Variants in N4BP2L1 observed in about 807,000 individuals in gnomAD.
N4BP2L1 encodes NEDD4-binding protein 2-like 1.
Under a neutral mutation model 21.2 loss-of-function variants are expected in N4BP2L1, and 12 were observed. The observed-to-expected ratio is 0.57, with a 90% CI of 0.36 to 0.92. N4BP2L1 has a LOEUF of 0.92. Ranked by LOEUF, N4BP2L1 falls within the 40% of genes least tolerant of loss-of-function variation. N4BP2L1 has a pLI of 0.01. For synonymous variants in N4BP2L1, 104 were observed against 112.8 expected, an observed-to-expected ratio of 0.92 and a Z score of 0.49; for missense variants, 259 against 310.6, an observed-to-expected ratio of 0.83 and a Z score of 1.25.
At chr13:32,411,646 ATAAT>A (rs781700887) in intron 1 of N4BP2L1, 7 of 985,178 alleles carry the variant, frequency 7.1e-6, no homozygotes, top group Middle Eastern at 5.2e-4. Flanking sequence ...AAATAGAAAG[ATAAT>A]TAATTCCATA....
In N4BP2L1 at chr13:32,402,417, A is replaced by ATATT; in HGVS notation, c.*521_*524dup. On this transcript the variant is annotated 3_prime_UTR_variant, in exon 5 of 5. Transcript: ENST00000380130. ...TTCCCTTAGATGTATGCTTTCTGGC[A>ATATT]TATTAACATTAAAGGAAAATCAGTA... 1 of 880,468 alleles carries ATATT rather than the reference A, an allele frequency of 1.1e-6. No individual in the cohort carries two copies. Among genetic ancestry groups the ATATT allele is most frequent in the South Asian group, 5.1e-5 (1 of 19,596 alleles). 54.5% of individuals were successfully genotyped at this position (880,468 alleles called of 1,614,324 possible). A position where few individuals can be genotyped will look rare whatever the true frequency, so the allele number is the denominator to read the frequency against.
rs996070980 is a variant in N4BP2L1 at position 32,403,096 on chromosome 13, C to T, written c.578G>A (p.Arg193Lys). The T allele has an allele frequency of 3.7e-6, 6 of 1,613,970 alleles. No individual in the cohort carries two copies. The highest frequency in any genetic ancestry group is 4.2e-6 in the Non-Finnish European group (5 of 1,180,020). ...ATTCCTGTCCTGGTTTCTGTTCATT[C>T]TGCTTGGCTTTTCTGCATGAAGCAC... ...HSVLHAEKPS[R>K]MNRNQDRNNA... The change falls in exon 5 of 5, where the codon AGA (arginine) becomes AAA (lysine). Residue 193 changes from arginine to lysine, a missense_variant. Coordinates refer to ENST00000380130, the MANE Select transcript of N4BP2L1 (RefSeq NM_052818.3).
chr13:32,415,857 TCCCAGAAA>T (rs1236655288), intron 1 of N4BP2L1: 1 of 152,242 alleles, frequency 6.6e-6, no homozygotes, highest in East Asian at 1.9e-4. Flanking sequence ...ACTCTGGCAC[TCCCAGAAA>T]CCTTTACCGT....
At chr13:32,411,349 G>A (rs1442982258) in intron 1 of N4BP2L1, among the ~76,000 whole-genome samples, 7 of 137,384 alleles carry the variant, frequency 5.1e-5, no homozygotes, top group African/African-American at 1.9e-4. Context: ...TTTTTGGCCT[G>A]TATGATCTTC....
chr13:32,407,216 A>G (rs761251194), intron 3 of N4BP2L1, 34 bp downstream of exon 3: 3 of 1,595,442 alleles, frequency 1.9e-6, no homozygotes, highest in Non-Finnish European at 2.6e-6. Context: ...CAAAATGTCC[A>G]TAACTGAAAA....
chr13:32,418,531 C>A (rs953576114), intron 1 of N4BP2L1, among the ~76,000 whole-genome samples: 3 of 152,228 alleles, frequency 2.0e-5, no homozygotes, highest in Non-Finnish European at 4.4e-5. Context: ...AGAGGCTCCA[C>A]TGGGGCACTG....
chr13:32,420,025 T>A (rs2074386825), intron 1 of N4BP2L1, among the ~76,000 whole-genome samples: 1 of 152,096 alleles, frequency 6.6e-6, no homozygotes. Context: ...CAGGGCCAAG[T>A]CCTGTCCTTG....
chr13:32,414,659 A>G (rs1397048350), intron 1 of N4BP2L1, among the ~76,000 whole-genome samples: 1 of 152,220 alleles, frequency 6.6e-6, no homozygotes, highest in East Asian at 1.9e-4. Context: ...TTAAAAGAGT[A>G]CTAAGCAGTG....
chr13:32,427,831 G>T (rs2074877161), intron 1 of N4BP2L1, 73 bp downstream of exon 1: 1 of 1,090,706 alleles, frequency 9.2e-7, no homozygotes. Context: ...AGCGGCTTGG[G>T]GCAGGGGTGC....
intron 1 of N4BP2L1, among the ~76,000 whole-genome samples, chr13:32,423,720 G>A (rs2074612759): frequency 6.6e-6 from 1 of 152,240 alleles, no homozygotes; most frequent in Non-Finnish European, 1.5e-5. Flanking sequence ...CATGAAGCAT[G>A]TAAAGGAGGC....
intron 1 of N4BP2L1, among the ~76,000 whole-genome samples, chr13:32,412,826 C>G (rs1406454698): frequency 6.6e-6 from 1 of 152,160 alleles, no homozygotes; most frequent in Non-Finnish European, 1.5e-5. Flanking sequence ...CTGGCTCTCA[C>G]TCCGCAGGGC....
chr13:32,421,529 C>T (rs2074477801), intron 1 of N4BP2L1, among the ~76,000 whole-genome samples: 1 of 152,134 alleles, frequency 6.6e-6, no homozygotes, highest in African/African-American at 2.4e-5. Flanking sequence ...TCCCCTGAGT[C>T]TCTCAAATGT....
chr13:32,417,577 TTGGTACCACAGAGAA>T (rs2137900022), intron 1 of N4BP2L1, among the ~76,000 whole-genome samples: 1 of 152,150 alleles, frequency 6.6e-6, no homozygotes, highest in South Asian at 2.1e-4. Context: ...GAACGGCAAA[TTGGTACCACAGAGAA>T]TGGGGCACTG....
chr13:32,428,291 G>A, upstream of N4BP2L1: 1 of 411,604 alleles, frequency 2.4e-6, no homozygotes, highest in Non-Finnish European at 4.2e-6. Context: ...GAGACTCACA[G>A]CCCGGAAAAC....
In N4BP2L1 at chr13:32,428,085, G is replaced by C. The variant is rs773292799; in HGVS notation, c.-3C>G. ...GATTGAAGGAAACTGTCCTCCATGG[G>C]CAGGAGGGCTGGCTGCGAGAGCCCC... On this transcript the variant is annotated 5_prime_UTR_variant, in exon 1 of 5. Coordinates refer to ENST00000380130, the MANE Select transcript of N4BP2L1 (RefSeq NM_052818.3). 2 of 1,456,336 alleles carry C rather than the reference G, an allele frequency of 1.4e-6. No individual in the cohort carries two copies. Among genetic ancestry groups the C allele is most frequent in the Admixed American group, 5.3e-5 (2 of 37,592 alleles). The allele number at this position is 1,456,336 out of a possible 1,614,324, so 90.2% of individuals were successfully genotyped here.
chr13:32,428,774 G>A (rs1293541359), upstream of N4BP2L1, among the ~76,000 whole-genome samples: 1 of 152,284 alleles, frequency 6.6e-6, no homozygotes, highest in Non-Finnish European at 1.5e-5. Flanking sequence ...CTACCGCCCA[G>A]GTACCTGCCC....
Position 32,401,764 on chromosome 13 carries a change from C to T in N4BP2L1, c.*1178G>A. The T allele has an allele frequency of 4.7e-6, 1 of 213,892 alleles. No homozygotes were observed. The highest frequency in any genetic ancestry group is 8.1e-6 in the Non-Finnish European group (1 of 124,220). The allele number at this position is 213,892 out of a possible 1,614,324, so 13.2% of individuals were successfully genotyped here. On this transcript the variant is annotated 3_prime_UTR_variant, in exon 5 of 5. Transcript: ENST00000380130. ...GATACCATTTACAATTTTTAATAACCATAAAAGCACCATTATATAAGACAC... is the reference window on the plus strand; with the variant it reads ...GATACCATTTACAATTTTTAATAACTATAAAAGCACCATTATATAAGACAC...
In N4BP2L1 at chr13:32,402,219, A is replaced by C; in HGVS notation, c.*723T>G. 1 of 965,840 alleles carries C rather than the reference A, an allele frequency of 1.0e-6. No individual in the cohort carries two copies. The highest frequency in any genetic ancestry group is 1.2e-6 in the Non-Finnish European group (1 of 812,094). The allele number at this position is 965,840 out of a possible 1,614,324, so 59.8% of individuals were successfully genotyped here. On this transcript the variant is annotated 3_prime_UTR_variant, in exon 5 of 5. Coordinates refer to ENST00000380130, the MANE Select transcript of N4BP2L1 (RefSeq NM_052818.3). Reference sequence around the variant, plus strand: ...TTAGCACAACAGCCAAAAGTTATTCAGGTTTAATCCTGCTGAATAAAGTAG... The same window carrying C: ...TTAGCACAACAGCCAAAAGTTATTCCGGTTTAATCCTGCTGAATAAAGTAG...
At chr13:32,422,067 A>G (rs2074513316) in intron 1 of N4BP2L1, among the ~76,000 whole-genome samples, 1 of 152,208 alleles carries the variant, frequency 6.6e-6, no homozygotes, top group Non-Finnish European at 1.5e-5. Flanking sequence ...AACCAGGATA[A>G]ATATGGAAAC....
Sources: allele counts gnomAD v4.1 joint callset (sites outside exome capture counted in the v4.1 genomes callset), GRCh38; gene constraint gnomAD v4.1.1; transcripts MANE v1.5; gene names NCBI Gene and HGNC (gene_info 2026-07-23, HGNC 2026-07-21).